The following UBQLN1 variants were observed in gnomAD, a reference collection of about 807,000 sequenced individuals.
UBQLN1 encodes the protein ubiquilin 1, also known as ubiquilin-1.
In UBQLN1, 13 loss-of-function variants were observed where a neutral mutation model predicts 65.4. The ratio of observed to expected loss-of-function variants is 0.20; its 90% CI spans 0.13 to 0.32. The LOEUF (loss-of-function observed/expected upper bound fraction) is 0.32. Among genes scored for constraint, UBQLN1 ranks in the 10% least tolerant of loss-of-function variants. The pLI, the probability that UBQLN1 is intolerant of heterozygous loss-of-function variation, is 1.00. For synonymous variants in UBQLN1, 267 were observed against 247.8 expected (o/e 1.08, Z -0.73); for missense variants, 561 against 724.0 (o/e 0.77, Z 2.58).
chr9:83,705,245 CCTT>C, intron 1 of UBQLN1, among the ~76,000 whole-genome samples: 1 of 40,042 alleles, frequency 2.5e-5, no homozygotes, highest in South Asian at 1.1e-3. Flanking sequence ...AGCCAGCACT[CCTT>C]TTTTTTTTTG....
At chr9:83,666,698 ATT>A in intron 7 of UBQLN1, 1 of 326,356 alleles carries the variant, frequency 3.1e-6, no homozygotes, top group South Asian at 7.2e-5. Context: ...AAAAGCAATC[ATT>A]TTCTTAGGCT....
rs749315539 is a variant in UBQLN1 at position 83,707,590 on chromosome 9, G to A, written c.90C>T (p.Ala30=). 1.9e-6 allele frequency: 3 copies of A among 1,605,026 alleles called. No individual in the cohort carries two copies. Among genetic ancestry groups the A allele is most frequent in the East Asian group, 4.5e-5 (2 of 44,190 alleles). Residue 30 remains alanine, a synonymous_variant, in exon 1 of 11, where the codon GCC becomes GCT. Transcript: ENST00000376395. The stretch of plus-strand genomic sequence containing the variant: ...CTTTCATGATTTTGGGCTCCGCGGA[G>A]GCAGCGGCCGCGGGGGCGCCAGCAC... ...AEGAGAPAAA[A]SAEPKIMKVT...
At chr9:83,696,307 T>C (rs1453162179) in intron 1 of UBQLN1, among the ~76,000 whole-genome samples, 1 of 152,212 alleles carries the variant, frequency 6.6e-6, no homozygotes, top group Non-Finnish European at 1.5e-5. Flanking sequence ...TAGTTGCAGC[T>C]GCTGGTACAG....
chr9:83,685,948 T>C lies in UBQLN1; in HGVS notation c.332+56A>G, dbSNP rs2131169443. The C allele has an allele frequency of 4.1e-6, 6 of 1,476,690 alleles. No individual in the cohort carries two copies. In the South Asian group the frequency reaches 7.6e-5, roughly 19 times the overall value. 91.5% of individuals were successfully genotyped at this position (1,476,690 alleles called of 1,614,324 possible). On this transcript the variant is annotated intron_variant, in intron 2 of 10. Coordinates refer to ENST00000376395, the MANE Select transcript of UBQLN1 (RefSeq NM_013438.5). Reference sequence around the variant, plus strand: ...ATTTACAGCCAACACTAGTTACTTTTAGAAGTACGAACATTTATCCACAAT... The same window carrying C: ...ATTTACAGCCAACACTAGTTACTTTCAGAAGTACGAACATTTATCCACAAT...
At chr9:83,694,262 T>C (rs1832173364) in intron 1 of UBQLN1, among the ~76,000 whole-genome samples, 1 of 152,238 alleles carries the variant, frequency 6.6e-6, no homozygotes, top group Non-Finnish European at 1.5e-5. Context: ...GCAAGGATTC[T>C]CTAAATAGTT....
At position 83,697,732 on chromosome 9, in the gene UBQLN1, C is replaced by T. The variant is rs1009542282; in HGVS notation, c.180+9768G>A. ...CACCACACGCGGCTATTTTTTGTAC[C>T]CTTTTTTTTTTTTTTTTTTTTGAGA... is the stretch of plus-strand genomic sequence containing the variant. On this transcript the variant is annotated intron_variant, in intron 1 of 10. Transcript: ENST00000376395. 9.7e-5 allele frequency among the ~76,000 whole-genome samples: 11 copies of T among 113,668 alleles called. No homozygotes were observed. The Admixed American group carries it at 1.0e-3, about 11-fold the overall frequency. 74.6% of individuals were successfully genotyped at this position (113,668 alleles called of 152,430 possible).
At chr9:83,698,636 G>A (rs1433833935) in intron 1 of UBQLN1, among the ~76,000 whole-genome samples, 1 of 152,120 alleles carries the variant, frequency 6.6e-6, no homozygotes, top group Non-Finnish European at 1.5e-5. Context: ...ATTCTGGCTG[G>A]GTGCGGTGGC....
intron 1 of UBQLN1, 142 bp downstream of exon 1, chr9:83,707,358 G>C: frequency 1.1e-6 from 1 of 921,662 alleles, no homozygotes; most frequent in Non-Finnish European, 1.6e-6. Flanking sequence ...CCACGAACTT[G>C]GGTGTGATCT....
At chr9:83,707,428 A>G in intron 1 of UBQLN1, 72 bp downstream of exon 1, 1 of 1,487,372 alleles carries the variant, frequency 6.7e-7, no homozygotes, top group Non-Finnish European at 9.0e-7. Context: ...GCCCTTCCAA[A>G]AGGTCTCCTG....
chr9:83,669,060 G>A (rs752743995), intron 7 of UBQLN1, 125 bp downstream of exon 7: 273 of 1,137,898 alleles, frequency 2.4e-4, no homozygotes, highest in Non-Finnish European at 2.9e-4. Context: ...TGGAGACACA[G>A]TTTACTTATT....
At position 83,661,268 on chromosome 9, in the gene UBQLN1, A is replaced by G. The variant is rs112985825; in HGVS notation, c.*519T>C. The stretch of plus-strand genomic sequence containing the variant: ...TTTTGCTCAGAGAGCCTATTGCAGT[A>G]TGTTTCCAGAAATGCAGTCCCAAAT... On this transcript the variant is annotated 3_prime_UTR_variant, in exon 11 of 11. Transcript: ENST00000376395. 4.5e-5 allele frequency: 7 copies of G among 154,046 alleles called. No individual in the cohort carries two copies. The highest frequency in any genetic ancestry group is 1.7e-4 in the African/African-American group (7 of 41,576). 9.5% of individuals were successfully genotyped at this position (154,046 alleles called of 1,614,324 possible). A position where few individuals can be genotyped will look rare whatever the true frequency, so the allele number is the denominator to read the frequency against.
At chr9:83,693,153 G>C (rs532221394) in intron 1 of UBQLN1, among the ~76,000 whole-genome samples, 1 of 152,210 alleles carries the variant, frequency 6.6e-6, no homozygotes, top group African/African-American at 2.4e-5. Flanking sequence ...ACAACCATAA[G>C]AATCAAAATT....
intron 1 of UBQLN1, among the ~76,000 whole-genome samples, chr9:83,689,062 T>C (rs1832086367): frequency 6.6e-6 from 1 of 152,212 alleles, no homozygotes; most frequent in South Asian, 2.1e-4. Context: ...AAAAAATCTA[T>C]ACCCTACAGC....
At position 83,707,680 on chromosome 9, in the gene UBQLN1, G is replaced by A. The variant is rs1303576172; in HGVS notation, c.-1C>T. 4 of 1,536,370 alleles carry A rather than the reference G, an allele frequency of 2.6e-6. No homozygotes were observed. The highest frequency in any genetic ancestry group is 3.5e-6 in the Non-Finnish European group (4 of 1,145,902). On this transcript the variant is annotated 5_prime_UTR_variant, in exon 1 of 11. Transcript: ENST00000376395. ...CGCCGCTTTCACCACTCTCGGCCAT[G>A]GCTGTGGCGGCGGCGGCGGCGGTGA... is the stretch of plus-strand genomic sequence containing the variant.
At chr9:83,696,112 G>A (rs1280420775) in intron 1 of UBQLN1, among the ~76,000 whole-genome samples, 1 of 152,124 alleles carries the variant, frequency 6.6e-6, no homozygotes, top group Non-Finnish European at 1.5e-5. Context: ...GCTAATTTTT[G>A]TATTCTTAGT....
intron 6 of UBQLN1, among the ~76,000 whole-genome samples, chr9:83,671,045 T>C (rs968705849): frequency 6.6e-6 from 1 of 152,140 alleles, no homozygotes; most frequent in Admixed American, 6.5e-5. Context: ...AGCTCACTGC[T>C]GCCTGCAATT....
chr9:83,679,474 C>G (rs556892638), intron 4 of UBQLN1, among the ~76,000 whole-genome samples: 5 of 152,178 alleles, frequency 3.3e-5, no homozygotes, highest in Non-Finnish European at 7.3e-5. Flanking sequence ...AAAAAAGCAA[C>G]TTAGCATTCA....
intron 1 of UBQLN1, among the ~76,000 whole-genome samples, chr9:83,696,068 T>C (rs1347330062): frequency 1.3e-5 from 2 of 152,236 alleles, no homozygotes; most frequent in East Asian, 1.9e-4. Context: ...GCCTCTCCAG[T>C]AGCTGGGACT....
At chr9:83,664,945 AAG>A in intron 9 of UBQLN1, 83 bp downstream of exon 9, 7 of 793,408 alleles carry the variant, frequency 8.8e-6, no homozygotes, top group South Asian at 7.3e-5. Flanking sequence ...AAAAAAAAAA[AAG>A]GCAGGCAGAA....
Sources: allele counts gnomAD v4.1 joint callset (sites outside exome capture counted in the v4.1 genomes callset), GRCh38; gene constraint gnomAD v4.1.1; transcripts MANE v1.5; gene names NCBI Gene and HGNC (gene_info 2026-07-23, HGNC 2026-07-21).